TPRG1: variants seen among roughly 807,000 people sequenced by gnomAD.
The protein encoded by TPRG1 is tumor protein p63 regulated 1, also known as tumor protein p63-regulated gene 1 protein.
In TPRG1, 29 loss-of-function variants were observed where a neutral mutation model predicts 29.3. That is an observed-to-expected ratio of 0.99 (90% CI 0.74 to 1.35). The LOEUF is 1.35. Among genes scored for constraint, TPRG1 ranks in the 40% most tolerant of loss-of-function variants. The pLI is 0.00. For synonymous variants in TPRG1, 130 were observed against 116.8 expected, an observed-to-expected ratio of 1.11 and a Z score of -0.73; for missense variants, 327 against 335.0, an observed-to-expected ratio of 0.98 and a Z score of 0.19.
chr3:189,118,299 A>C (rs1216380565), intron 1 of TPRG1, among the ~76,000 whole-genome samples: 1 of 152,152 alleles, frequency 6.6e-6, no homozygotes, highest in Admixed American at 6.5e-5. Context: ...GAGATTATTT[A>C]GGGAATCTGG....
chr3:189,146,161 A>G (rs1725237871), intron 3 of TPRG1, among the ~76,000 whole-genome samples: 1 of 152,210 alleles, frequency 6.6e-6, no homozygotes, highest in Admixed American at 6.5e-5. Flanking sequence ...TTTTCCCTGT[A>G]CTGAAAAACC....
At chr3:189,048,912 A>G (rs1181782234) in intron 4 of TPRG1, among the ~76,000 whole-genome samples, 2 of 152,092 alleles carry the variant, frequency 1.3e-5, no homozygotes, top group East Asian at 3.9e-4. Flanking sequence ...GAAGTTTCCA[A>G]CTTCACCTGG....
intron 4 of TPRG1, among the ~76,000 whole-genome samples, chr3:189,303,042 A>G (rs745958189): frequency 7.2e-5 from 11 of 152,160 alleles, no homozygotes; most frequent in Non-Finnish European, 2.9e-5. Context: ...CTCTTCATAT[A>G]CAACAGCTGG....
At position 189,100,897 on chromosome 3, in the gene TPRG1, T is replaced by C. The variant is rs148369837; in HGVS notation, c.-744+693T>C. Among the ~76,000 whole-genome samples the C allele has an allele frequency of 8.5e-5, 13 of 152,292 alleles. No individual in the cohort carries two copies. In the East Asian group the frequency reaches 2.5e-3, roughly 29 times the overall value. On this transcript the variant is annotated intron_variant, in intron 1 of 6. Transcript: ENST00000412373. ...ATCCTGCCTTGTACATCCAGAAAAATATTAGCTTGGAGGCATCCTATTTTC... is the reference window on the plus strand; with the variant it reads ...ATCCTGCCTTGTACATCCAGAAAAACATTAGCTTGGAGGCATCCTATTTTC...
At chr3:189,295,616 G>C (rs997611069) in intron 4 of TPRG1, among the ~76,000 whole-genome samples, 2 of 151,886 alleles carry the variant, frequency 1.3e-5, no homozygotes, top group African/African-American at 4.8e-5. Context: ...GAAATGTGTG[G>C]GGATATGGTA....
chr3:189,319,444 C>G (rs1343680477), intron 5 of TPRG1, among the ~76,000 whole-genome samples: 4 of 151,962 alleles, frequency 2.6e-5, no homozygotes, highest in Non-Finnish European at 5.9e-5. Flanking sequence ...TTGCTCAGGC[C>G]AAAAACCTGG....
intron 4 of TPRG1, among the ~76,000 whole-genome samples, chr3:189,299,115 C>T (rs970287672): frequency 6.0e-5 from 9 of 149,934 alleles, no homozygotes; most frequent in African/African-American, 2.2e-4. Flanking sequence ...CATGCTGAAA[C>T]TTGTTTTTTT....
intron 4 of TPRG1, among the ~76,000 whole-genome samples, chr3:189,066,310 T>C (rs1716441252): frequency 6.6e-6 from 1 of 151,948 alleles, no homozygotes; most frequent in Non-Finnish European, 1.5e-5. Flanking sequence ...ATTTCCAAAC[T>C]CATTCAACAA....
At chr3:189,003,099 A>G (rs1462125148) in intron 2 of TPRG1, among the ~76,000 whole-genome samples, 1 of 152,106 alleles carries the variant, frequency 6.6e-6, no homozygotes, top group Non-Finnish European at 1.5e-5. Flanking sequence ...ATTATTTTTC[A>G]TTTGCCATAG....
At chr3:189,053,861 C>T (rs1474827682) in intron 4 of TPRG1, among the ~76,000 whole-genome samples, 1 of 152,194 alleles carries the variant, frequency 6.6e-6, no homozygotes, top group African/African-American at 2.4e-5. Context: ...TAGGCTTCGG[C>T]TTAAGGGAAT....
intron 4 of TPRG1, among the ~76,000 whole-genome samples, chr3:189,296,244 A>G (rs1365138779): frequency 6.6e-6 from 1 of 152,212 alleles, no homozygotes; most frequent in African/African-American, 2.4e-5. Flanking sequence ...TGTGAGCTGT[A>G]TTTTCCATGC....
intron 3 of TPRG1, among the ~76,000 whole-genome samples, chr3:189,227,624 A>C (rs1199326494): frequency 6.6e-6 from 1 of 152,186 alleles, no homozygotes; most frequent in African/African-American, 2.4e-5. Context: ...CTTACGCTGT[A>C]ACTTAAAAAA....
At chr3:189,135,676 AG>A (rs2108547350) in intron 3 of TPRG1, among the ~76,000 whole-genome samples, 1 of 152,348 alleles carries the variant, frequency 6.6e-6, no homozygotes, top group Non-Finnish European at 1.5e-5. Context: ...TTTCTAAAAA[AG>A]AATATAGGAT....
At chr3:189,078,087 TTCTC>T (rs1309579873) in intron 4 of TPRG1, among the ~76,000 whole-genome samples, 6 of 114,828 alleles carry the variant, frequency 5.2e-5, no homozygotes, top group African/African-American at 1.8e-4. Context: ...CTTTCTCTCT[TTCTC>T]TCTTTCTTTC....
At chr3:189,105,140 G>A (rs552636553) in intron 1 of TPRG1, among the ~76,000 whole-genome samples, 10 of 152,192 alleles carry the variant, frequency 6.6e-5, no homozygotes, top group Admixed American at 5.9e-4. Context: ...TGTTATTAAG[G>A]ACATCCCACT....
chr3:189,236,907 G>T (rs1373414238), intron 3 of TPRG1, among the ~76,000 whole-genome samples: 1 of 152,056 alleles, frequency 6.6e-6, no homozygotes, highest in Non-Finnish European at 1.5e-5. Context: ...ACATAATTGG[G>T]TTACCCAAGT....
At chr3:189,250,570 T>TA (rs1483768166) in intron 4 of TPRG1, among the ~76,000 whole-genome samples, 1 of 136,080 alleles carries the variant, frequency 7.3e-6, no homozygotes, top group Non-Finnish European at 1.5e-5. Flanking sequence ...ATTTGATTGT[T>TA]ATCTTTACTT....
intron 2 of TPRG1, among the ~76,000 whole-genome samples, chr3:189,003,290 G>C (rs934327874): frequency 2.0e-5 from 3 of 152,068 alleles, no homozygotes; most frequent in Admixed American, 2.0e-4. Flanking sequence ...AGGTTAACAT[G>C]GACTTGGAGA....
chr3:189,186,645 C>T (rs1241892428), intron 1 of TPRG1, among the ~76,000 whole-genome samples: 1 of 151,942 alleles, frequency 6.6e-6, no homozygotes. Context: ...AGAGCTCCAT[C>T]TTGTATTAGA....
Sources: gnomAD v4.1 joint callset for allele counts (sites outside exome capture counted in the v4.1 genomes callset) on GRCh38, gnomAD v4.1.1 for gene constraint, MANE v1.5 for transcripts, NCBI Gene and HGNC (gene_info 2026-07-23, HGNC 2026-07-21) for gene names.